CNOT4: variants seen among roughly 807,000 people sequenced by gnomAD.
CNOT4 encodes CCR4-associated factor 4.
In CNOT4, 8 loss-of-function variants were observed where a neutral mutation model predicts 73.8. The ratio of observed to expected loss-of-function variants is 0.11; its 90% CI spans 0.06 to 0.20. The LOEUF (loss-of-function observed/expected upper bound fraction) is 0.20, where lower values mean the gene tolerates loss of function less well. Ranked by LOEUF, CNOT4 falls within the 10% of genes least tolerant of loss-of-function variation. The pLI, the probability that CNOT4 is intolerant of heterozygous loss-of-function variation, is 1.00. For missense variants in CNOT4, 564 were observed against 883.4 expected (o/e 0.64, Z 4.58); for synonymous variants, 293 against 321.1 (o/e 0.91, Z 0.94).
Position 135,504,462 on chromosome 7 carries a change from ATTTTTTTTTTT to A in CNOT4, c.-93+5416_-93+5426del, listed in dbSNP as rs34100799. 5.4e-5 allele frequency among the ~76,000 whole-genome samples: 3 copies of A among 55,942 alleles called. 1 individual carries two copies. The South Asian group carries it at 1.9e-3, about 35-fold the overall frequency. 36.7% of individuals were successfully genotyped at this position (55,942 alleles called of 152,430 possible). ...AGGCACGTGCCACCACATCCGGCTA[ATTTTTTTTTTT>A]TTTTTTTTTTTTTTTTATTTTTATT... On this transcript the variant is annotated intron_variant, in intron 1 of 11. Coordinates refer to ENST00000541284, the MANE Select transcript of CNOT4 (RefSeq NM_001190850.2).
chr7:135,453,204 TAA>T (rs1305661519), intron 1 of CNOT4, among the ~76,000 whole-genome samples: 1 of 152,114 alleles, frequency 6.6e-6, no homozygotes, highest in African/African-American at 2.4e-5. Context: ...ATACCACTAG[TAA>T]TGGATAAAAC....
At position 135,363,064 on chromosome 7, in the gene CNOT4, G is replaced by A. The variant is rs1794725270; in HGVS notation, c.1963C>T (p.His655Tyr). ...DGPSAAPSQT[H>Y]HSAPFSTQIP... ...TGTGTGCTGAAGGGGGCGCTGTGGT[G>A]GGTCTGTGATGGAGCAGCGCTGGGG... Residue 655 changes from histidine (H) to tyrosine (Y), a missense_variant, in exon 12 of 12, where the codon CAC becomes TAC. Physicochemically the swap from His to Tyr is moderately conservative, Grantham distance 83. Coordinates refer to ENST00000541284, the MANE Select transcript of CNOT4 (RefSeq NM_001190850.2). The surrounding 1 kb of genome is among the most constrained non-coding windows in gnomAD (Gnocchi z 4.3). 6.2e-7 allele frequency: 1 copy of A among 1,613,938 alleles called. No individual in the cohort carries two copies. The highest frequency in any genetic ancestry group is 1.3e-5 in the African/African-American group (1 of 74,856).
At chr7:135,393,171 A>G (rs1219531935) in intron 10 of CNOT4, among the ~76,000 whole-genome samples, 1 of 152,180 alleles carries the variant, frequency 6.6e-6, no homozygotes, top group Non-Finnish European at 1.5e-5. Flanking sequence ...TACTTCATCT[A>G]AAAAATGTTA....
intron 1 of CNOT4, among the ~76,000 whole-genome samples, chr7:135,440,031 G>T (rs1799382761): frequency 6.6e-6 from 1 of 151,168 alleles, no homozygotes; most frequent in Admixed American, 6.6e-5. Context: ...GATATAGAAG[G>T]TCTTCATAAG....
At chr7:135,365,599 G>A (rs1235099246) in intron 10 of CNOT4, among the ~76,000 whole-genome samples, 5 of 151,722 alleles carry the variant, frequency 3.3e-5, no homozygotes, top group Admixed American at 3.3e-4. Context: ...CCTGAACCCT[G>A]TCCAAAAAAA....
chr7:135,427,319 T>C (rs897256061), intron 2 of CNOT4, among the ~76,000 whole-genome samples: 1 of 144,036 alleles, frequency 6.9e-6, no homozygotes, highest in Non-Finnish European at 1.6e-5. Context: ...TAATCTTTAT[T>C]GAAAAACTTT....
In CNOT4 at chr7:135,410,497, A is replaced by T; in HGVS notation, c.821+18T>A. 1 of 1,439,372 alleles carries T rather than the reference A, an allele frequency of 6.9e-7. No homozygotes were observed. Among genetic ancestry groups the T allele is most frequent in the Non-Finnish European group, 9.3e-7 (1 of 1,074,516 alleles). The allele number at this position is 1,439,372 out of a possible 1,614,324, so 89.2% of individuals were successfully genotyped here. On this transcript the variant is annotated intron_variant, in intron 7 of 11. Coordinates refer to ENST00000541284, the MANE Select transcript of CNOT4 (RefSeq NM_001190850.2). ...TGATAAGAAGGTAAGATGTCTGACT[A>T]TCAATATCAATACTTACGTATCGTA...
intron 1 of CNOT4, among the ~76,000 whole-genome samples, chr7:135,483,681 G>A (rs753916452): frequency 5.9e-5 from 9 of 151,476 alleles, no homozygotes; most frequent in East Asian, 5.9e-4. Context: ...AAAATTAGCC[G>A]GACAAGGTGT....
At chr7:135,421,524 C>T (rs1453108257) in intron 3 of CNOT4, among the ~76,000 whole-genome samples, 1 of 152,138 alleles carries the variant, frequency 6.6e-6, no homozygotes, top group African/African-American at 2.4e-5. Flanking sequence ...TTCGACATTA[C>T]TCTAACAAGG....
intron 10 of CNOT4, chr7:135,388,924 T>C (rs1335427405): frequency 3.6e-5 from 58 of 1,607,194 alleles, no homozygotes; most frequent in Non-Finnish European, 4.7e-5. Context: ...GGTCTAGTTA[T>C]GGGTGACTAG....
chr7:135,379,356 A>G (rs1011397676), intron 10 of CNOT4, among the ~76,000 whole-genome samples: 3 of 152,346 alleles, frequency 2.0e-5, no homozygotes, highest in African/African-American at 7.2e-5. Flanking sequence ...TTAGGAGTTT[A>G]CATCTATCAA....
chr7:135,418,547 A>C lies in CNOT4; in HGVS notation c.373-3285T>G, dbSNP rs116815946. Among the ~76,000 whole-genome samples, 1,317 of 152,324 alleles carry C rather than the reference A, an allele frequency of 8.6e-3. 22 individuals carry two copies. The highest frequency in any genetic ancestry group is 0.03 in the African/African-American group (1,254 of 41,564). Reference sequence around the variant, plus strand: ...AACTTGGTAATCAGATGGATGAATGAGTGAATAAATGAATGGATGGATGAA... The same window carrying C: ...AACTTGGTAATCAGATGGATGAATGCGTGAATAAATGAATGGATGGATGAA... On this transcript the variant is annotated intron_variant, in intron 3 of 11. Coordinates refer to ENST00000541284, the MANE Select transcript of CNOT4 (RefSeq NM_001190850.2).
Position 135,411,901 on chromosome 7 carries a change from G to A in CNOT4, c.688-1253C>T, listed in dbSNP as rs138119768. On this transcript the variant is annotated intron_variant, in intron 6 of 11. Transcript: ENST00000541284. ...CCTATGGCACTAAATTTTGAGTTAC[G>A]CAGTAACAAGGAAAGATTTTCTGAT... Among the ~76,000 whole-genome samples, 683 of 151,818 alleles carry A rather than the reference G, an allele frequency of 4.5e-3. 10 individuals are homozygous for A. Among genetic ancestry groups the A allele is most frequent in the African/African-American group, 0.016 (655 of 41,456 alleles).
chr7:135,427,275 A>G (rs983580044), intron 2 of CNOT4, among the ~76,000 whole-genome samples: 2 of 152,102 alleles, frequency 1.3e-5, no homozygotes, highest in African/African-American at 4.8e-5. Flanking sequence ...CTAAGACTTT[A>G]ATTATTTTAT....
At chr7:135,429,547 C>T (rs1183061070) in intron 2 of CNOT4, among the ~76,000 whole-genome samples, 6 of 152,122 alleles carry the variant, frequency 3.9e-5, no homozygotes, top group Non-Finnish European at 4.4e-5. Flanking sequence ...GAAGATTTAG[C>T]CCTGTCAGTT....
In CNOT4 at chr7:135,395,578, C is replaced by A. The variant is rs1796631976; in HGVS notation, c.1129+56G>T. On this transcript the variant is annotated intron_variant, in intron 9 of 11. Coordinates refer to ENST00000541284, the MANE Select transcript of CNOT4 (RefSeq NM_001190850.2). ...ATCCACTAATGAGTTTCATGTTAGT[C>A]TGTCAACAATACGTTAAGAGCATAA... is the stretch of plus-strand genomic sequence containing the variant. The A allele has an allele frequency of 2.6e-6, 4 of 1,533,706 alleles. No homozygotes were observed. In the African/African-American group the frequency reaches 4.1e-5, roughly 16 times the overall value.
chr7:135,453,757 T>A (rs949981211), intron 1 of CNOT4, among the ~76,000 whole-genome samples: 1 of 145,152 alleles, frequency 6.9e-6, no homozygotes. Flanking sequence ...TATATATATA[T>A]AAAATATAAC....
chr7:135,385,456 C>T (rs867183946), intron 10 of CNOT4, among the ~76,000 whole-genome samples: 1 of 152,078 alleles, frequency 6.6e-6, no homozygotes, highest in African/African-American at 2.4e-5. Flanking sequence ...TGACAGTGCT[C>T]GGAACACTGT....
At chr7:135,472,786 T>C (rs1355450167) in intron 1 of CNOT4, among the ~76,000 whole-genome samples, 1 of 151,812 alleles carries the variant, frequency 6.6e-6, no homozygotes, top group Non-Finnish European at 1.5e-5. Flanking sequence ...ATACCTACAA[T>C]CCTAGCACTT....
Sources: allele counts gnomAD v4.1 joint callset (sites outside exome capture counted in the v4.1 genomes callset), GRCh38; gene constraint gnomAD v4.1.1; non-coding constraint Gnocchi (gnomAD v3.1); transcripts MANE v1.5; gene names NCBI Gene and HGNC (gene_info 2026-07-23, HGNC 2026-07-21).